The following IQCH variants were observed in gnomAD, a reference collection of about 807,000 sequenced individuals.
The protein encoded by IQCH is IQ motif containing H, also known as IQ domain-containing protein H.
IQCH carries 98 observed loss-of-function variants against 117.0 expected under a neutral mutation model. The ratio of observed to expected loss-of-function variants is 0.84; its 90% CI spans 0.71 to 0.99. The LOEUF is 0.99. Ranked by LOEUF, IQCH falls within the 50% of genes least tolerant of loss-of-function variation. The probability of loss-of-function intolerance (pLI) is 0.00; values close to 1 mark genes in which losing one functional copy is unlikely to be tolerated. For missense variants in IQCH, 1,102 were observed against 1,243.8 expected (o/e 0.89, Z 1.72); for synonymous variants, 412 against 448.2 (o/e 0.92, Z 1.02).
intron 6 of IQCH, among the ~76,000 whole-genome samples, chr15:67,346,904 C>T (rs1021999944): frequency 6.6e-6 from 1 of 151,872 alleles, no homozygotes; most frequent in African/African-American, 2.4e-5. Context: ...CCCCCAAATG[C>T]AAAAACACAC....
Position 67,427,643 on chromosome 15 carries a change from T to C in IQCH, c.2505+6066T>C, listed in dbSNP as rs917798548. 2.0e-5 allele frequency among the ~76,000 whole-genome samples: 3 copies of C among 152,216 alleles called. No individual in the cohort carries two copies. Among genetic ancestry groups the C allele is most frequent in the Non-Finnish European group, 2.9e-5 (2 of 68,038 alleles). On this transcript the variant is annotated intron_variant, in intron 16 of 20. Coordinates refer to ENST00000335894, the MANE Select transcript of IQCH (RefSeq NM_001031715.3). This position sits in a 1 kb window ranked among gnomAD's most constrained non-coding sequence, Gnocchi z 4.7. ...TGAGGTAACCTACAGTTCAAAACAG[T>C]CTTTATTTCAATAACATTTTAAAGC...
rs1213295039 is a variant in IQCH, at chr15:67,427,733, C to T, written c.2505+6156C>T. Among the ~76,000 whole-genome samples the T allele has an allele frequency of 6.6e-6, 1 of 151,860 alleles. No individual in the cohort carries two copies. The highest frequency in any genetic ancestry group is 2.4e-5 in the African/African-American group (1 of 41,308). On this transcript the variant is annotated intron_variant, in intron 16 of 20. Coordinates refer to ENST00000335894, the MANE Select transcript of IQCH (RefSeq NM_001031715.3). The surrounding 1 kb of genome is among the most constrained non-coding windows in gnomAD (Gnocchi z 4.7). ...ATCATCCACTTTAAAAAAATTATCA[C>T]CAGGAAATAATCACAAAGATTTAAA...
chr15:67,267,179 C>CTTAT (rs1293195110), intron 3 of IQCH, among the ~76,000 whole-genome samples: 1 of 152,132 alleles, frequency 6.6e-6, no homozygotes, highest in Non-Finnish European at 1.5e-5. Flanking sequence ...AGAGTAATTT[C>CTTAT]TTATTTATTT....
intron 4 of IQCH, among the ~76,000 whole-genome samples, chr15:67,323,856 T>C (rs1968262584): frequency 6.6e-6 from 1 of 152,084 alleles, no homozygotes; most frequent in South Asian, 2.1e-4. Flanking sequence ...GAAAAAGATA[T>C]TATCTTTTAT....
intron 4 of IQCH, among the ~76,000 whole-genome samples, chr15:67,292,090 A>G (rs757914085): frequency 6.6e-6 from 1 of 151,970 alleles, no homozygotes; most frequent in African/African-American, 2.4e-5. Context: ...GGCCCTAGGG[A>G]GCTTCCTTGG....
chr15:67,285,271 C>G (rs1966516601), intron 4 of IQCH, among the ~76,000 whole-genome samples: 2 of 151,254 alleles, frequency 1.3e-5, no homozygotes, highest in Admixed American at 1.3e-4. Flanking sequence ...GAAAAGTATC[C>G]ATTCATGTCC....
At chr15:67,389,464 T>C (rs1434377421) in intron 12 of IQCH, among the ~76,000 whole-genome samples, 1 of 152,114 alleles carries the variant, frequency 6.6e-6, no homozygotes, top group East Asian at 1.9e-4. Flanking sequence ...TGGTTCCTAA[T>C]GAACAATGTT....
rs2081999953 is a variant in IQCH at position 67,430,637 on chromosome 15, T to C, written c.2505+9060T>C. On this transcript the variant is annotated intron_variant, in intron 16 of 20. Coordinates refer to ENST00000335894, the MANE Select transcript of IQCH (RefSeq NM_001031715.3). This position sits in a 1 kb window ranked among gnomAD's most constrained non-coding sequence, Gnocchi z 5.1. ...GGTCATATTTGGCCAGCCACCTGAT[T>C]ATTATTTGTTGATTTATGGACTTTT... Among the ~76,000 whole-genome samples, 1 of 152,200 alleles carries C rather than the reference T, an allele frequency of 6.6e-6. No homozygotes were observed. The highest frequency in any genetic ancestry group is 2.1e-4 in the South Asian group (1 of 4,834).
At position 67,476,688 on chromosome 15, in the gene IQCH, C is replaced by T. The variant is rs894438092; in HGVS notation, c.2799+870C>T. 1.3e-5 allele frequency among the ~76,000 whole-genome samples: 2 copies of T among 152,130 alleles called. No homozygotes were observed. The highest frequency in any genetic ancestry group is 2.9e-5 in the Non-Finnish European group (2 of 68,032). On this transcript the variant is annotated intron_variant, in intron 18 of 20. Transcript: ENST00000335894. This position sits in a 1 kb window ranked among gnomAD's most constrained non-coding sequence, Gnocchi z 4.1. ...CAACGTCTCCTGCCAAAAATAGAAC[C>T]TCTGTTTTATGCCTAGAGACTCATG...
chr15:67,383,015 AT>A (rs1970988248), intron 10 of IQCH, among the ~76,000 whole-genome samples: 1 of 152,222 alleles, frequency 6.6e-6, no homozygotes, highest in Non-Finnish European at 1.5e-5. Context: ...ACTTAAAAAA[AT>A]ATATTGACTC....
Position 67,475,829 on chromosome 15 carries a change from T to A in IQCH, c.2799+11T>A. 1 of 1,613,156 alleles carries A rather than the reference T, an allele frequency of 6.2e-7. No individual in the cohort carries two copies. The highest frequency in any genetic ancestry group is 8.5e-7 in the Non-Finnish European group (1 of 1,179,468). ...GGCTATGATGTTGAGGTATGAAGGG[T>A]TACAGTTGGCCAGGGGCGGCCAAAG... is the stretch of plus-strand genomic sequence containing the variant. On this transcript the variant is annotated intron_variant, in intron 18 of 20. Transcript: ENST00000335894. The surrounding 1 kb of genome is among the most constrained non-coding windows in gnomAD (Gnocchi z 5.7).
Position 67,445,640 on chromosome 15 carries a change from T to C in IQCH, c.2506-19487T>C, listed in dbSNP as rs1016176692. ...TTTTAGTAGAGACAGGGTTTCACCA[T>C]GTTGGCCAGGCTGGTCTCGAACTCC... On this transcript the variant is annotated intron_variant, in intron 16 of 20. Transcript: ENST00000335894. This position sits in a 1 kb window ranked among gnomAD's most constrained non-coding sequence, Gnocchi z 4.3. 1.3e-5 allele frequency among the ~76,000 whole-genome samples: 2 copies of C among 152,176 alleles called. No individual in the cohort carries two copies. The highest frequency in any genetic ancestry group is 2.9e-5 in the Non-Finnish European group (2 of 68,016).
intron 16 of IQCH, among the ~76,000 whole-genome samples, chr15:67,441,480 C>G (rs968670355): frequency 6.6e-6 from 1 of 152,136 alleles, no homozygotes; most frequent in African/African-American, 2.4e-5. Context: ...TACCTGATTT[C>G]AAACTATACT....
At chr15:67,492,562 G>T (rs1210233380) in intron 19 of IQCH, among the ~76,000 whole-genome samples, 3 of 152,222 alleles carry the variant, frequency 2.0e-5, no homozygotes, top group Non-Finnish European at 4.4e-5. Flanking sequence ...CTGAGAGCTA[G>T]GTCGTGGGGA....
Position 67,338,438 on chromosome 15 carries a change from A to G in IQCH, c.508+1343A>G, listed in dbSNP as rs78712150. ...GGCATATATTTATTGAGTACTTGCAATATGTCTGGTATTGTGCAAGATACT... is the reference window on the plus strand; with the variant it reads ...GGCATATATTTATTGAGTACTTGCAGTATGTCTGGTATTGTGCAAGATACT... On this transcript the variant is annotated intron_variant, in intron 5 of 20. Coordinates refer to ENST00000335894, the MANE Select transcript of IQCH (RefSeq NM_001031715.3). 4.8e-3 allele frequency among the ~76,000 whole-genome samples: 736 copies of G among 152,278 alleles called. 4 individuals are homozygous for G. The highest frequency in any genetic ancestry group is 0.017 in the African/African-American group (711 of 41,570).
In IQCH at chr15:67,459,128, C is replaced by T. The variant is rs149240682; in HGVS notation, c.2506-5999C>T. 1.3e-3 allele frequency among the ~76,000 whole-genome samples: 196 copies of T among 152,250 alleles called. No homozygotes were observed. Among genetic ancestry groups the T allele is most frequent in the Non-Finnish European group, 2.0e-3 (137 of 68,018 alleles). On this transcript the variant is annotated intron_variant, in intron 16 of 20. Transcript: ENST00000335894. The surrounding 1 kb of genome is among the most constrained non-coding windows in gnomAD (Gnocchi z 4.2). ...TTGGGTCACAGATATTTGTCTCAGA[C>T]CCTGATACCAAAAGCTGGGGCCTTT...
At chr15:67,487,642 CAAGT>C (rs2083527999) in intron 18 of IQCH, among the ~76,000 whole-genome samples, 1 of 152,046 alleles carries the variant, frequency 6.6e-6, no homozygotes, top group Non-Finnish European at 1.5e-5. Context: ...CACCCGAGAC[CAAGT>C]AAATCAGCAT....
At position 67,479,210 on chromosome 15, in the gene IQCH, T is replaced by G. The variant is rs951591523; in HGVS notation, c.2799+3392T>G. Among the ~76,000 whole-genome samples the G allele has an allele frequency of 6.6e-6, 1 of 152,184 alleles. No homozygotes were observed. Among genetic ancestry groups the G allele is most frequent in the African/African-American group, 2.4e-5 (1 of 41,442 alleles). ...GAGCTGAGCACTTTACTTCATTATCTCATTTATTCTTCATGCCTGTCCTAT... is the reference window on the plus strand; with the variant it reads ...GAGCTGAGCACTTTACTTCATTATCGCATTTATTCTTCATGCCTGTCCTAT... On this transcript the variant is annotated intron_variant, in intron 18 of 20. Coordinates refer to ENST00000335894, the MANE Select transcript of IQCH (RefSeq NM_001031715.3). The surrounding 1 kb of genome is among the most constrained non-coding windows in gnomAD (Gnocchi z 4.6).
rs1567039038 is a variant in IQCH at position 67,254,962 on chromosome 15, TC to T, written c.51+20del. ...TCTTAATCCAGGTGGGAAACGGGCT[TC>T]CCCCGGCCCTGCCCTGCCCAGCCGC... On this transcript the variant is annotated intron_variant, in intron 1 of 20. Coordinates refer to ENST00000335894, the MANE Select transcript of IQCH (RefSeq NM_001031715.3). 4 of 1,610,960 alleles carry T rather than the reference TC, an allele frequency of 2.5e-6. No individual in the cohort carries two copies. The highest frequency in any genetic ancestry group is 3.4e-6 in the Non-Finnish European group (4 of 1,178,408).
Sources: allele counts gnomAD v4.1 joint callset (sites outside exome capture counted in the v4.1 genomes callset), GRCh38; gene constraint gnomAD v4.1.1; non-coding constraint Gnocchi (gnomAD v3.1); transcripts MANE v1.5; gene names NCBI Gene and HGNC (gene_info 2026-07-23, HGNC 2026-07-21).